MTDH: variants seen among roughly 807,000 people sequenced by gnomAD.
The protein encoded by MTDH is metadherin.
MTDH carries 34 observed loss-of-function variants against 72.7 expected under a neutral mutation model. The ratio of observed to expected loss-of-function variants is 0.47; its 90% CI spans 0.36 to 0.62. The LOEUF (loss-of-function observed/expected upper bound fraction) is 0.62. MTDH is among the 20% of genes least tolerant of loss of function. MTDH has a pLI of 0.00. For missense variants in MTDH, 677 were observed against 699.4 expected (o/e 0.97, Z 0.36); for synonymous variants, 266 against 268.9 (o/e 0.99, Z 0.10).
chr8:97,686,758 T>G lies in MTDH; in HGVS notation c.568+6T>G. 1 of 1,588,838 alleles carries G rather than the reference T, an allele frequency of 6.3e-7. No individual in the cohort carries two copies. The highest frequency in any genetic ancestry group is 8.6e-7 in the Non-Finnish European group (1 of 1,167,504). On this transcript the variant is annotated splice_donor_region_variant and intron_variant, in intron 3 of 11. Transcript: ENST00000336273. Reference sequence around the variant, plus strand: ...TGGAAAGGAAGTTGATGAAGGTACTTGAGCAAGGGAAAGGACTGTAGAAAA... The same window carrying G: ...TGGAAAGGAAGTTGATGAAGGTACTGGAGCAAGGGAAAGGACTGTAGAAAA...
chr8:97,666,993 T>C (rs1233009845), intron 2 of MTDH, among the ~76,000 whole-genome samples: 2 of 151,614 alleles, frequency 1.3e-5, no homozygotes, highest in Non-Finnish European at 2.9e-5. Context: ...CACCGTACCC[T>C]GCCATTTTGT....
At chr8:97,657,631 G>A (rs1019792859) in intron 1 of MTDH, among the ~76,000 whole-genome samples, 4 of 151,962 alleles carry the variant, frequency 2.6e-5, no homozygotes, top group African/African-American at 9.7e-5. Context: ...AGTCCCTCGA[G>A]TAGCTGGGAC....
intron 6 of MTDH, among the ~76,000 whole-genome samples, chr8:97,698,346 C>T (rs1383159207): frequency 1.3e-5 from 2 of 152,172 alleles, no homozygotes; most frequent in African/African-American, 4.8e-5. Flanking sequence ...TTTACATTTG[C>T]ATCCTAAAGT....
At chr8:97,695,108 T>C (rs915133770) in intron 6 of MTDH, among the ~76,000 whole-genome samples, 16 of 141,550 alleles carry the variant, frequency 1.1e-4, no homozygotes, top group Middle Eastern at 7.4e-3. Flanking sequence ...TGCTGCTGCC[T>C]TTTTTTTTTT....
intron 2 of MTDH, among the ~76,000 whole-genome samples, chr8:97,672,879 C>T (rs1471812829): frequency 1.3e-5 from 2 of 152,104 alleles, no homozygotes; most frequent in Non-Finnish European, 2.9e-5. Flanking sequence ...AGCCATGTTG[C>T]TTGTGCCGTG....
intron 5 of MTDH, among the ~76,000 whole-genome samples, chr8:97,690,598 C>T (rs2131008702): frequency 6.6e-6 from 1 of 151,792 alleles, no homozygotes; most frequent in African/African-American, 2.4e-5. Context: ...TAATGTGCAG[C>T]CAGGTTTTAG....
At chr8:97,666,949 C>T (rs972681124) in intron 2 of MTDH, among the ~76,000 whole-genome samples, 3 of 151,934 alleles carry the variant, frequency 2.0e-5, no homozygotes, top group Non-Finnish European at 2.9e-5. Context: ...CACCTGCCTC[C>T]GCCTCCCAAA....
intron 1 of MTDH, among the ~76,000 whole-genome samples, chr8:97,658,815 T>C (rs749984323): frequency 7.9e-5 from 12 of 152,048 alleles, no homozygotes; most frequent in Non-Finnish European, 1.6e-4. Flanking sequence ...CCAGAGAAGA[T>C]AGCATGAACT....
intron 9 of MTDH, 63 bp from the exon 10 acceptor site, chr8:97,718,986 A>G (rs1814992501): frequency 2.7e-6 from 4 of 1,459,986 alleles, no homozygotes; most frequent in South Asian, 1.3e-5. Flanking sequence ...ATACACCACC[A>G]TAGATTTTAA....
At chr8:97,654,434 G>A (rs921062586) in intron 1 of MTDH, among the ~76,000 whole-genome samples, 2 of 152,140 alleles carry the variant, frequency 1.3e-5, no homozygotes, top group Admixed American at 1.3e-4. Flanking sequence ...CATTAAATGA[G>A]ATAATGCGTG....
At chr8:97,665,481 G>A (rs918592044) in intron 2 of MTDH, among the ~76,000 whole-genome samples, 2 of 152,142 alleles carry the variant, frequency 1.3e-5, no homozygotes, top group Admixed American at 1.3e-4. Flanking sequence ...GCTAGTTAAG[G>A]AAAGGCAAGC....
chr8:97,670,271 G>C (rs1049593784), intron 2 of MTDH, among the ~76,000 whole-genome samples: 19 of 152,182 alleles, frequency 1.2e-4, no homozygotes. Flanking sequence ...AGCTGAGATC[G>C]TGGCACTGCC....
chr8:97,677,328 C>G (rs568471944), intron 2 of MTDH, among the ~76,000 whole-genome samples: 11 of 150,424 alleles, frequency 7.3e-5, no homozygotes, highest in African/African-American at 2.0e-4. Flanking sequence ...CCCGTCTCTA[C>G]TAAAAATAAA....
chr8:97,710,439 C>G (rs1814575820), intron 8 of MTDH, among the ~76,000 whole-genome samples: 1 of 152,080 alleles, frequency 6.6e-6, no homozygotes, highest in African/African-American at 2.4e-5. Flanking sequence ...TTTGTAATCC[C>G]AGTACTTTGG....
rs1563572005 is a variant in MTDH at position 97,720,585 on chromosome 8, A to ATT, written c.1521+1397_1521+1398insTT. 5.8e-4 allele frequency among the ~76,000 whole-genome samples: 80 copies of ATT among 137,960 alleles called. 1 individual carries two copies. The highest frequency in any genetic ancestry group is 2.6e-3 in the African/African-American group (76 of 29,786). 90.5% of individuals were successfully genotyped at this position (137,960 alleles called of 152,430 possible). ...AGTGAGACTTTGTGAAGAAGAATATATATATATTTATTTATTTATTTATGT... is the reference window on the plus strand; with the variant it reads ...AGTGAGACTTTGTGAAGAAGAATATATTTATATATTTATTTATTTATTTATGT... On this transcript the variant is annotated intron_variant, in intron 10 of 11. Coordinates refer to ENST00000336273, the MANE Select transcript of MTDH (RefSeq NM_178812.4).
chr8:97,719,492 CAAAAAAAA>C (rs11383714), intron 10 of MTDH, among the ~76,000 whole-genome samples: 1 of 79,924 alleles, frequency 1.3e-5, no homozygotes, highest in African/African-American at 4.0e-5. Flanking sequence ...GACACTGTCT[CAAAAAAAA>C]AAAAAAAAAA....
chr8:97,717,293 A>G (rs925103695), intron 9 of MTDH, among the ~76,000 whole-genome samples: 5 of 152,240 alleles, frequency 3.3e-5, no homozygotes, highest in Non-Finnish European at 7.3e-5. Flanking sequence ...TGCATTTGCC[A>G]AAGAAAAATA....
chr8:97,654,869 G>A (rs892548677), intron 1 of MTDH, among the ~76,000 whole-genome samples: 3 of 152,256 alleles, frequency 2.0e-5, no homozygotes, highest in African/African-American at 7.2e-5. Flanking sequence ...GGAGGCCAAG[G>A]CAGGTGGATT....
At position 97,686,735 on chromosome 8, in the gene MTDH, G is replaced by A; in HGVS notation, c.551G>A (p.Gly184Glu). 1 of 1,595,064 alleles carries A rather than the reference G, an allele frequency of 6.3e-7. No individual in the cohort carries two copies. The highest frequency in any genetic ancestry group is 8.5e-7 in the Non-Finnish European group (1 of 1,171,486). ...GTGCAAAACAGTTCACGCCATGATG[G>A]AAAGGAAGTTGATGAAGGTACTTGA... ...KAVQNSSRHD[G>E]KEVDEGAWET... The change falls in exon 3 of 12, where the codon GGA becomes GAA. Residue 184 changes from glycine (G) to glutamate (E), a missense_variant. By Grantham distance (98) the Gly-to-Glu change is moderately conservative. Transcript: ENST00000336273.
Sources: allele counts gnomAD v4.1 joint callset (sites outside exome capture counted in the v4.1 genomes callset), GRCh38; gene constraint gnomAD v4.1.1; transcripts MANE v1.5; gene names NCBI Gene and HGNC (gene_info 2026-07-23, HGNC 2026-07-21).